AGAP1: variants seen among roughly 807,000 people sequenced by gnomAD.
The protein encoded by AGAP1 is arf-GAP with GTPase, ANK repeat and PH domain-containing protein 1.
A neutral mutation model predicts 105.3 loss-of-function variants in AGAP1; 29 were observed. The ratio of observed to expected loss-of-function variants is 0.28; its 90% CI spans 0.21 to 0.38. The LOEUF is 0.38. Among genes scored for constraint, AGAP1 ranks in the 10% least tolerant of loss-of-function variants. AGAP1 has a pLI of 1.00. For missense variants in AGAP1, 998 were observed against 1,165.1 expected, an observed-to-expected ratio of 0.86 and a Z score of 2.09; for synonymous variants, 509 against 485.9, an observed-to-expected ratio of 1.05 and a Z score of -0.63.
rs2049923106 is a variant in AGAP1 at position 235,879,872 on chromosome 2, T to G, written c.1051-3473T>G. On this transcript the variant is annotated intron_variant, in intron 9 of 17. Transcript: ENST00000304032. The surrounding 1 kb of genome is among the most constrained non-coding windows in gnomAD (Gnocchi z 5.0). The stretch of plus-strand genomic sequence containing the variant: ...TTGCTTGAGCTGGAAAGTTCAAGGT[T>G]GCAGTGAGCTGTAATTGCATCAGTA... Among the ~76,000 whole-genome samples the G allele has an allele frequency of 6.6e-6, 1 of 152,160 alleles. No individual in the cohort carries two copies. The highest frequency in any genetic ancestry group is 2.1e-4 in the South Asian group (1 of 4,828).
At chr2:235,568,203 A>G (rs10208267) in intron 1 of AGAP1, among the ~76,000 whole-genome samples, 11,321 of 152,140 alleles carry the variant, frequency 0.074, 1,220 homozygotes, top group East Asian at 0.33. Flanking sequence ...CGAGGCCCAC[A>G]TGGAGGTCAT....
intron 1 of AGAP1, among the ~76,000 whole-genome samples, chr2:235,627,192 G>GC (rs765510750): frequency 1.0e-5 from 1 of 95,556 alleles, no homozygotes; most frequent in African/African-American, 4.5e-5. Flanking sequence ...CTGTTTTGAG[G>GC]TTTTTTTTTT....
chr2:236,023,825 G>A (rs2056961583), intron 13 of AGAP1, among the ~76,000 whole-genome samples: 1 of 152,052 alleles, frequency 6.6e-6, no homozygotes, highest in Non-Finnish European at 1.5e-5. Flanking sequence ...CAGAACACTG[G>A]ATGGGCCTCA....
At chr2:235,831,632 C>T (rs147613613) in intron 9 of AGAP1, among the ~76,000 whole-genome samples, 1 of 152,334 alleles carries the variant, frequency 6.6e-6, no homozygotes, top group Non-Finnish European at 1.5e-5. Flanking sequence ...CTTTCCATGG[C>T]TCAGTAGCTC....
rs897735302 is a variant in AGAP1 at position 236,020,226 on chromosome 2, C to T, written c.1646-16335C>T. Among the ~76,000 whole-genome samples the T allele has an allele frequency of 1.3e-5, 2 of 152,162 alleles. No individual in the cohort carries two copies. The highest frequency in any genetic ancestry group is 4.8e-5 in the African/African-American group (2 of 41,430). On this transcript the variant is annotated intron_variant, in intron 13 of 17. Coordinates refer to ENST00000304032, the MANE Select transcript of AGAP1 (RefSeq NM_001037131.3). This position sits in a 1 kb window ranked among gnomAD's most constrained non-coding sequence, Gnocchi z 5.0. ...ACATACCTAGAGATGTGGAACATGG[C>T]CCCTGCATTGCTCCTTGCCTAGGAC... is the stretch of plus-strand genomic sequence containing the variant.
At chr2:235,827,640 C>T (rs753447169) in intron 9 of AGAP1, among the ~76,000 whole-genome samples, 5 of 152,110 alleles carry the variant, frequency 3.3e-5, no homozygotes, top group Non-Finnish European at 5.9e-5. Flanking sequence ...CCCATTCTAC[C>T]CTCTGAGCAT....
rs750682881 is a variant in AGAP1, at chr2:235,936,779, G to C, written c.1483+5856G>C. On this transcript the variant is annotated intron_variant, in intron 12 of 17. Transcript: ENST00000304032. This position sits in a 1 kb window ranked among gnomAD's most constrained non-coding sequence, Gnocchi z 4.7. The stretch of plus-strand genomic sequence containing the variant: ...ACATGTGTTGACAGCCTCCGCTGTT[G>C]TGACCTTCATGCCTAACACTCGTTT... Among the ~76,000 whole-genome samples, 10 of 152,144 alleles carry C rather than the reference G, an allele frequency of 6.6e-5. No individual in the cohort carries two copies. Among genetic ancestry groups the C allele is most frequent in the Non-Finnish European group, 1.3e-4 (9 of 68,026 alleles).
At chr2:235,896,350 A>G (rs1414981523) in intron 10 of AGAP1, among the ~76,000 whole-genome samples, 2 of 152,218 alleles carry the variant, frequency 1.3e-5, no homozygotes, top group Non-Finnish European at 1.5e-5. Context: ...CCATGGATGG[A>G]CACTTGCTTT....
chr2:235,654,571 C>T (rs1345570462), intron 1 of AGAP1, among the ~76,000 whole-genome samples: 1 of 152,200 alleles, frequency 6.6e-6, no homozygotes, highest in Non-Finnish European at 1.5e-5. Context: ...AGGTCATCCT[C>T]AGATGTCCCT....
At position 235,973,983 on chromosome 2, in the gene AGAP1, T is replaced by A. The variant is rs1369369017; in HGVS notation, c.1645+5360T>A. ...TTTGAATTACAGTACTTTCTGGGCA[T>A]CTTCATATCTCGGGTCCAGTAGTGA... is the stretch of plus-strand genomic sequence containing the variant. On this transcript the variant is annotated intron_variant, in intron 13 of 17. Transcript: ENST00000304032. The surrounding 1 kb of genome is among the most constrained non-coding windows in gnomAD (Gnocchi z 4.7). Among the ~76,000 whole-genome samples, 1 of 152,196 alleles carries A rather than the reference T, an allele frequency of 6.6e-6. No homozygotes were observed. The highest frequency in any genetic ancestry group is 1.5e-5 in the Non-Finnish European group (1 of 68,036).
At chr2:235,940,631 C>T (rs1367735949) in intron 12 of AGAP1, among the ~76,000 whole-genome samples, 1 of 152,256 alleles carries the variant, frequency 6.6e-6, no homozygotes, top group Non-Finnish European at 1.5e-5. Context: ...TTGTTTTTCT[C>T]AGCATGTATT....
Position 235,841,994 on chromosome 2 carries a change from C to T in AGAP1, c.1050+34663C>T, listed in dbSNP as rs189268099. Among the ~76,000 whole-genome samples the T allele has an allele frequency of 6.8e-4, 104 of 152,248 alleles. 2 individuals carry two copies. In the East Asian group the frequency reaches 0.016, roughly 23 times the overall value. On this transcript the variant is annotated intron_variant, in intron 9 of 17. Coordinates refer to ENST00000304032, the MANE Select transcript of AGAP1 (RefSeq NM_001037131.3). The stretch of plus-strand genomic sequence containing the variant: ...TCTCCGTGTTTAGAAGAAATCTTGC[C>T]GTCACCACTCCATGCAGACGCTGGG...
At chr2:235,523,395 AG>A (rs929886390) in intron 1 of AGAP1, among the ~76,000 whole-genome samples, 4 of 152,100 alleles carry the variant, frequency 2.6e-5, no homozygotes, top group African/African-American at 9.7e-5. Context: ...GTGGGGATCT[AG>A]GCTTTGCTCA....
chr2:235,508,477 A>C (rs182359355), intron 1 of AGAP1, among the ~76,000 whole-genome samples: 1 of 152,182 alleles, frequency 6.6e-6, no homozygotes, highest in Non-Finnish European at 1.5e-5. Flanking sequence ...TTTTTTACTC[A>C]TCAAGGTTAT....
chr2:235,747,944 G>C lies in AGAP1; in HGVS notation c.539-2410G>C, dbSNP rs116469609. On this transcript the variant is annotated intron_variant, in intron 5 of 17. Coordinates refer to ENST00000304032, the MANE Select transcript of AGAP1 (RefSeq NM_001037131.3). The surrounding 1 kb of genome is among the most constrained non-coding windows in gnomAD (Gnocchi z 5.0). The stretch of plus-strand genomic sequence containing the variant: ...TGGGGTGAGGCCTCCGCCCGCTGGC[G>C]GGAGGGGCAGCTCTGCCAGCAGGAG... Among the ~76,000 whole-genome samples the C allele has an allele frequency of 2.6e-4, 40 of 152,238 alleles. No individual in the cohort carries two copies. Among genetic ancestry groups the C allele is most frequent in the Non-Finnish European group, 5.1e-4 (35 of 68,042 alleles).
rs527619564 is a variant in AGAP1, at chr2:236,058,722, A to G, written c.2114+9441A>G. On this transcript the variant is annotated intron_variant, in intron 16 of 17. Transcript: ENST00000304032. The surrounding 1 kb of genome is among the most constrained non-coding windows in gnomAD (Gnocchi z 4.6). The stretch of plus-strand genomic sequence containing the variant: ...ATTATACTGGAGGTTCAAGCCAGGG[A>G]ATTAGGCAAGAAGAAGAAACCAAAA... Among the ~76,000 whole-genome samples the G allele has an allele frequency of 6.6e-6, 1 of 152,350 alleles. No individual in the cohort carries two copies. The highest frequency in any genetic ancestry group is 1.9e-4 in the East Asian group (1 of 5,190).
intron 10 of AGAP1, among the ~76,000 whole-genome samples, chr2:235,884,824 A>G (rs1320825703): frequency 6.6e-6 from 1 of 151,970 alleles, no homozygotes; most frequent in Non-Finnish European, 1.5e-5. Flanking sequence ...ACAAAAGGCA[A>G]CTTTATATCA....
At chr2:235,570,068 T>C (rs1425565081) in intron 1 of AGAP1, among the ~76,000 whole-genome samples, 6 of 152,260 alleles carry the variant, frequency 3.9e-5, no homozygotes, top group Non-Finnish European at 8.8e-5. Flanking sequence ...GTTTTGGTTT[T>C]TCTTTTTGAA....
intron 11 of AGAP1, among the ~76,000 whole-genome samples, chr2:235,923,462 A>G (rs184697522): frequency 1.3e-5 from 2 of 152,318 alleles, no homozygotes; most frequent in Admixed American, 1.3e-4. Flanking sequence ...ACTCACATCC[A>G]GAAGCAGCAG....
Sources: allele counts gnomAD v4.1 joint callset (sites outside exome capture counted in the v4.1 genomes callset), GRCh38; gene constraint gnomAD v4.1.1; non-coding constraint Gnocchi (gnomAD v3.1); transcripts MANE v1.5; gene names NCBI Gene and HGNC (gene_info 2026-07-23, HGNC 2026-07-21).